Variants in GRID2 observed in about 807,000 individuals in gnomAD.
GRID2 encodes glutamate receptor ionotropic, delta-2.
In GRID2, 33 loss-of-function variants were observed where a neutral mutation model predicts 114.8. The ratio of observed to expected loss-of-function variants is 0.29; its 90% CI spans 0.22 to 0.38. The LOEUF is 0.38. Among genes scored for constraint, GRID2 ranks in the 10% least tolerant of loss-of-function variants. The probability of loss-of-function intolerance (pLI) is 1.00; values close to 1 mark genes in which losing one functional copy is unlikely to be tolerated. For synonymous variants in GRID2, 505 were observed against 449.9 expected (o/e 1.12, Z -1.55); for missense variants, 1,184 against 1,257.7 (o/e 0.94, Z 0.89).
At position 93,259,727 on chromosome 4, in the gene GRID2, T is replaced by A. The variant is rs192185573; in HGVS notation, c.1245+21237T>A. Among the ~76,000 whole-genome samples, 179 of 151,944 alleles carry A rather than the reference T, an allele frequency of 1.2e-3. 3 individuals carry two copies. Among genetic ancestry groups the A allele is most frequent in the African/African-American group, 4.3e-3 (177 of 41,568 alleles). Reference sequence around the variant, plus strand: ...TGTAAAGTTCAAAAACTATGTTTTTTCAATTCATTTTATAAAGAAGGTTAG... The same window carrying A: ...TGTAAAGTTCAAAAACTATGTTTTTACAATTCATTTTATAAAGAAGGTTAG... On this transcript the variant is annotated intron_variant, in intron 8 of 15. Transcript: ENST00000282020.
chr4:93,051,059 A>T (rs916933291), intron 2 of GRID2, among the ~76,000 whole-genome samples: 1 of 152,034 alleles, frequency 6.6e-6, no homozygotes, highest in Non-Finnish European at 1.5e-5. Flanking sequence ...CATCACTCTT[A>T]TTCAACACAA....
In GRID2 at chr4:93,206,082, A is replaced by T. The variant is rs148297661; in HGVS notation, c.736-1322A>T. On this transcript the variant is annotated intron_variant, in intron 4 of 15. Transcript: ENST00000282020. ...ACTTAAAGTATAATAATAATAAAATAAAATTAAAAATGATAATAATAATAA... is the reference window on the plus strand; with the variant it reads ...ACTTAAAGTATAATAATAATAAAATTAAATTAAAAATGATAATAATAATAA... Among the ~76,000 whole-genome samples, 710 of 152,008 alleles carry T rather than the reference A, an allele frequency of 4.7e-3. 4 individuals carry two copies. The highest frequency in any genetic ancestry group is 7.9e-3 in the Non-Finnish European group (535 of 67,948).
At chr4:92,564,833 G>C (rs2060677) in intron 1 of GRID2, among the ~76,000 whole-genome samples, 32,407 of 151,654 alleles carry the variant, frequency 0.21, 3,803 homozygotes, top group South Asian at 0.29. Context: ...ATATATTTTC[G>C]TGCTACAAGG....
intron 2 of GRID2, among the ~76,000 whole-genome samples, chr4:92,592,904 C>G (rs1728770681): frequency 6.6e-6 from 1 of 151,772 alleles, no homozygotes; most frequent in African/African-American, 2.4e-5. Flanking sequence ...TTCAGAAGCA[C>G]TATTTTCTTC....
chr4:93,366,790 C>T (rs1006025801), intron 8 of GRID2, among the ~76,000 whole-genome samples: 2 of 151,762 alleles, frequency 1.3e-5, no homozygotes, highest in Admixed American at 6.6e-5. Flanking sequence ...TCAAGCTGGC[C>T]GACGCTTAAG....
intron 2 of GRID2, among the ~76,000 whole-genome samples, chr4:92,710,195 C>T (rs1003272508): frequency 6.6e-6 from 1 of 151,958 alleles, no homozygotes; most frequent in African/African-American, 2.4e-5. Context: ...TGATAGATTT[C>T]CAGCCACTTC....
chr4:93,064,338 C>T (rs1157530265), intron 2 of GRID2, among the ~76,000 whole-genome samples: 3 of 151,412 alleles, frequency 2.0e-5, no homozygotes, highest in Non-Finnish European at 4.4e-5. Flanking sequence ...GTAATGTGAC[C>T]TACTGCTTGG....
At chr4:92,592,264 T>G (rs1201692436) in intron 2 of GRID2, among the ~76,000 whole-genome samples, 8 of 152,022 alleles carry the variant, frequency 5.3e-5, no homozygotes, top group Non-Finnish European at 1.2e-4. Flanking sequence ...TAACTACATA[T>G]TAATAATTGT....
intron 14 of GRID2, among the ~76,000 whole-genome samples, chr4:93,738,025 G>A (rs1731068584): frequency 6.6e-6 from 1 of 152,090 alleles, no homozygotes; most frequent in South Asian, 2.1e-4. Flanking sequence ...AGATATGAAC[G>A]GATTGGAATA....
chr4:92,472,723 A>G (rs1183849698), intron 1 of GRID2, among the ~76,000 whole-genome samples: 1 of 151,948 alleles, frequency 6.6e-6, no homozygotes, highest in Non-Finnish European at 1.5e-5. Flanking sequence ...ATTTTCCTTC[A>G]TTGTTTCAAT....
At position 93,554,114 on chromosome 4, in the gene GRID2, T is replaced by C. The variant is rs566899535; in HGVS notation, c.2193+38703T>C. Among the ~76,000 whole-genome samples, 22 of 152,258 alleles carry C rather than the reference T, an allele frequency of 1.4e-4. No homozygotes were observed. In the South Asian group the frequency reaches 3.5e-3, roughly 24 times the overall value. ...CTATCTCTCTAGTACCTTGAAACCA[T>C]TTTGGTCTACTATTAGTATGTTGAA... On this transcript the variant is annotated intron_variant, in intron 13 of 15. Transcript: ENST00000282020.
intron 4 of GRID2, among the ~76,000 whole-genome samples, chr4:93,140,315 C>G (rs1463251244): frequency 1.3e-5 from 2 of 151,914 alleles, no homozygotes; most frequent in Non-Finnish European, 2.9e-5. Flanking sequence ...CCCACCACTA[C>G]GCCTGGCTAA....
intron 1 of GRID2, among the ~76,000 whole-genome samples, chr4:92,464,795 A>G (rs1370341127): frequency 2.0e-5 from 3 of 152,144 alleles, no homozygotes; most frequent in African/African-American, 7.2e-5. Context: ...TAATTCTCAT[A>G]AGATAGTATG....
intron 14 of GRID2, among the ~76,000 whole-genome samples, chr4:93,705,654 G>A (rs570648142): frequency 3.8e-4 from 58 of 152,150 alleles, no homozygotes; most frequent in Non-Finnish European, 6.8e-4. Flanking sequence ...TTTGTTGATT[G>A]TTTACTTTGC....
chr4:93,011,001 T>G (rs1010763659), intron 2 of GRID2, among the ~76,000 whole-genome samples: 1 of 151,976 alleles, frequency 6.6e-6, no homozygotes, highest in Admixed American at 6.5e-5. Context: ...TTTTCTGACC[T>G]TTTTAGATTT....
At chr4:93,206,355 G>A (rs1742778143) in intron 4 of GRID2, among the ~76,000 whole-genome samples, 1 of 151,830 alleles carries the variant, frequency 6.6e-6, no homozygotes, top group South Asian at 2.1e-4. Flanking sequence ...GTAGAACAAA[G>A]AATAGCCAAC....
chr4:92,760,237 C>CAAAA (rs982301426), intron 2 of GRID2, among the ~76,000 whole-genome samples: 17 of 38,384 alleles, frequency 4.4e-4, no homozygotes, highest in African/African-American at 1.0e-3. Flanking sequence ...GACTCTGTCT[C>CAAAA]AAAAAAAAAA....
chr4:93,708,109 T>A (rs1160224068), intron 14 of GRID2, among the ~76,000 whole-genome samples: 1 of 152,042 alleles, frequency 6.6e-6, no homozygotes, highest in African/African-American at 2.4e-5. Context: ...GTAGCCTAAC[T>A]TATGGTCTAC....
At chr4:92,563,404 G>A (rs1362034753) in intron 1 of GRID2, among the ~76,000 whole-genome samples, 1 of 152,058 alleles carries the variant, frequency 6.6e-6, no homozygotes, top group Non-Finnish European at 1.5e-5. Flanking sequence ...AAGAAGTGCT[G>A]AGCTGGAAAA....
Sources: allele counts gnomAD v4.1 joint callset (sites outside exome capture counted in the v4.1 genomes callset), GRCh38; gene constraint gnomAD v4.1.1; transcripts MANE v1.5; gene names NCBI Gene and HGNC (gene_info 2026-07-23, HGNC 2026-07-21).